CRELD2: variants seen among roughly 807,000 people sequenced by gnomAD.
CRELD2 encodes the protein protein disulfide isomerase CRELD2.
In CRELD2, 33 loss-of-function variants were observed where a neutral mutation model predicts 48.1. The ratio of observed to expected loss-of-function variants is 0.69; its 90% CI spans 0.52 to 0.92. The LOEUF (loss-of-function observed/expected upper bound fraction) is 0.92. CRELD2 is among the 40% of genes least tolerant of loss of function. The pLI is 0.00. For synonymous variants in CRELD2, 220 were observed against 203.9 expected, an observed-to-expected ratio of 1.08 and a Z score of -0.67; for missense variants, 477 against 482.4, an observed-to-expected ratio of 0.99 and a Z score of 0.10.
At chr22:49,921,410 C>T (rs985728467) in intron 4 of CRELD2, 175 bp from the exon 5 acceptor site, 26 of 677,652 alleles carry the variant, frequency 3.8e-5, no homozygotes, top group Admixed American at 2.7e-4. Context: ...GGCGATCCAC[C>T]GCCAGCCCTG....
chr22:49,925,857 G>A (rs2060757432), intron 9 of CRELD2: 2 of 787,782 alleles, frequency 2.5e-6, no homozygotes, highest in Non-Finnish European at 3.4e-6. Flanking sequence ...CAGGAGAAGA[G>A]GCAGCTAAAG....
chr22:49,927,011 C>A (rs2146670681), intron 9 of CRELD2, among the ~76,000 whole-genome samples: 1 of 147,882 alleles, frequency 6.8e-6, no homozygotes, highest in Non-Finnish European at 1.5e-5. Flanking sequence ...GAACCCCTTG[C>A]CGCTCCCAAC....
At position 49,919,713 on chromosome 22, in the gene CRELD2, G is replaced by A. The variant is rs1378951013; in HGVS notation, c.213-17G>A. On this transcript the variant is annotated splice_polypyrimidine_tract_variant and intron_variant, in intron 2 of 9. Coordinates refer to ENST00000328268, the MANE Select transcript of CRELD2 (RefSeq NM_024324.5). ...TTGGAGGCGCTGACGGTGGGCCGGT[G>A]TGGGCCTGTGTTTCAGCGAGATTCG... The A allele has an allele frequency of 1.3e-6, 2 of 1,589,370 alleles. No homozygotes were observed. Among genetic ancestry groups the A allele is most frequent in the South Asian group, 2.3e-5 (2 of 87,820 alleles).
At chr22:49,922,193 AC>A in intron 5 of CRELD2, 1 of 1,287,948 alleles carries the variant, frequency 7.8e-7, no homozygotes, top group Non-Finnish European at 1.0e-6. Context: ...AGTGTCTCGG[AC>A]GTGAGTGTGT....
chr22:49,927,496 G>C lies in CRELD2; in HGVS notation c.*189G>C. The C allele has an allele frequency of 1.7e-6, 1 of 599,622 alleles. No homozygotes were observed. Among genetic ancestry groups the C allele is most frequent in the Non-Finnish European group, 3.0e-6 (1 of 331,640 alleles). 37.1% of individuals were successfully genotyped at this position (599,622 alleles called of 1,614,324 possible). ...AAACAGACTTGTATATTTTGATACA[G>C]TTCTTTGTAATAAAATTGACCATTG... is the stretch of plus-strand genomic sequence containing the variant. On this transcript the variant is annotated 3_prime_UTR_variant, in exon 10 of 10. Transcript: ENST00000328268.
intron 7 of CRELD2, 167 bp from the exon 8 acceptor site, chr22:49,924,193 A>G (rs2060732887): frequency 3.6e-6 from 2 of 563,084 alleles, no homozygotes. Flanking sequence ...GCAGGACGCG[A>G]GTCTGTGCTT....
chr22:49,920,301 T>G lies in CRELD2; in HGVS notation c.415+54T>G, dbSNP rs950332644. The G allele has an allele frequency of 7.9e-6, 10 of 1,268,490 alleles. No homozygotes were observed. The African/African-American group carries it at 1.3e-4, about 17-fold the overall frequency. 78.6% of individuals were successfully genotyped at this position (1,268,490 alleles called of 1,614,324 possible). On this transcript the variant is annotated intron_variant, in intron 4 of 9. Coordinates refer to ENST00000328268, the MANE Select transcript of CRELD2 (RefSeq NM_024324.5). Reference sequence around the variant, plus strand: ...TCCTACGTCACTTCCCCTCTTCTTCTCATGATTCTTGGGAGGTAAAAGCAC... The same window carrying G: ...TCCTACGTCACTTCCCCTCTTCTTCGCATGATTCTTGGGAGGTAAAAGCAC...
intron 6 of CRELD2, 103 bp downstream of exon 6, chr22:49,922,810 CAGGGGGGCGTGAAGT>C (rs2060708594): frequency 1.6e-5 from 1 of 61,290 alleles, no homozygotes; most frequent in African/African-American, 1.7e-4. Flanking sequence ...GGGCGGGAGG[CAGGGGGGCGTGAAGT>C]GTGGGGGCGT....
chr22:49,919,011 C>A (rs59259090), intron 1 of CRELD2, 113 bp downstream of exon 1: 1 of 952,250 alleles, frequency 1.1e-6, no homozygotes, highest in Non-Finnish European at 1.5e-6. Context: ...ATCCGGGGTC[C>A]CCCTCACCCT....
At chr22:49,924,522 C>G in intron 8 of CRELD2, 67 bp downstream of exon 8, 1 of 1,192,782 alleles carries the variant, frequency 8.4e-7, no homozygotes, top group Non-Finnish European at 1.2e-6. Context: ...TGAATGGCCC[C>G]AGCAGGTACT....
intron 1 of CRELD2, 127 bp from the exon 2 acceptor site, chr22:49,919,103 C>T (rs2060648128): frequency 9.6e-7 from 1 of 1,037,446 alleles, no homozygotes; most frequent in East Asian, 2.4e-5. Context: ...CCCGGATCCA[C>T]CCCCACCGTG....
chr22:49,925,279 T>C (rs9616216), intron 8 of CRELD2, 138 bp from the exon 9 acceptor site: 148,346 of 671,768 alleles, frequency 0.22, 19,488 homozygotes, highest in African/African-American at 0.48. Context: ...CCTTTCCTGA[T>C]CTTTGCTCCT....
chr22:49,921,457 C>T, intron 4 of CRELD2, 128 bp from the exon 5 acceptor site: 2 of 1,019,150 alleles, frequency 2.0e-6, no homozygotes, highest in Non-Finnish European at 2.8e-6. Context: ...ACACCCACTC[C>T]AAGCCTTCAG....
At chr22:49,919,581 C>A in intron 2 of CRELD2, 149 bp from the exon 3 acceptor site, 1 of 647,556 alleles carries the variant, frequency 1.5e-6, no homozygotes, top group Non-Finnish European at 2.7e-6. Flanking sequence ...GGAACCGCTC[C>A]TGGCTTCCCC....
At chr22:49,919,198 T>G in intron 1 of CRELD2, 32 bp from the exon 2 acceptor site, 1 of 1,608,180 alleles carries the variant, frequency 6.2e-7, no homozygotes, top group East Asian at 2.2e-5. Flanking sequence ...GGTCAGGTGG[T>G]ACCAAGCACT....
chr22:49,924,645 G>C (rs1468508298), intron 8 of CRELD2, 190 bp downstream of exon 8: 1 of 468,582 alleles, frequency 2.1e-6, no homozygotes, highest in Admixed American at 3.6e-5. Flanking sequence ...GTGGGGGACG[G>C]GCTCTGCATG....
intron 2 of CRELD2, 78 bp downstream of exon 2, chr22:49,919,390 G>A: frequency 2.3e-6 from 3 of 1,331,474 alleles, no homozygotes; most frequent in Non-Finnish European, 3.2e-6. Flanking sequence ...TGGTGCCTGT[G>A]TTAATGACAG....
chr22:49,922,523 C>T, intron 5 of CRELD2, 89 bp from the exon 6 acceptor site: 1 of 1,484,566 alleles, frequency 6.7e-7, no homozygotes, highest in Non-Finnish European at 9.1e-7. Flanking sequence ...TTGCTTTTCC[C>T]TCTTAAATTC....
At chr22:49,922,927 T>G (rs1251706215) in intron 6 of CRELD2, among the ~76,000 whole-genome samples, 4 of 44,186 alleles carry the variant, frequency 9.1e-5, no homozygotes, top group Non-Finnish European at 1.4e-4. Context: ...GGGCGTGAGG[T>G]GGGGGCGTGA....
Sources: allele counts gnomAD v4.1 joint callset (sites outside exome capture counted in the v4.1 genomes callset), GRCh38; gene constraint gnomAD v4.1.1; transcripts MANE v1.5; gene names NCBI Gene and HGNC (gene_info 2026-07-23, HGNC 2026-07-21).